Variants in EHBP1 observed in about 807,000 individuals in gnomAD.
EHBP1 encodes the protein EH domain-binding protein 1.
A neutral mutation model predicts 144.0 loss-of-function variants in EHBP1; 55 were observed. That is an observed-to-expected ratio of 0.38 (90% CI 0.31 to 0.48). The LOEUF (loss-of-function observed/expected upper bound fraction) is 0.48. EHBP1 is among the 20% of genes least tolerant of loss of function. EHBP1 has a pLI of 0.98. For missense variants in EHBP1, 1,200 were observed against 1,364.2 expected, an observed-to-expected ratio of 0.88 and a Z score of 1.90; for synonymous variants, 469 against 472.7, an observed-to-expected ratio of 0.99 and a Z score of 0.10.
intron 5 of EHBP1, among the ~76,000 whole-genome samples, chr2:62,814,450 C>T (rs1197678466): frequency 2.0e-5 from 3 of 152,236 alleles, no homozygotes; most frequent in East Asian, 3.8e-4. Flanking sequence ...TATAGTAGCA[C>T]AAAATAGATT....
chr2:62,880,980 TC>T (rs1391581310), intron 10 of EHBP1, among the ~76,000 whole-genome samples: 1 of 152,034 alleles, frequency 6.6e-6, no homozygotes, highest in African/African-American at 2.4e-5. Flanking sequence ...ACACACTTGA[TC>T]AACCTACATT....
chr2:62,886,233 A>G (rs1213128240), intron 10 of EHBP1, among the ~76,000 whole-genome samples: 1 of 152,210 alleles, frequency 6.6e-6, no homozygotes, highest in Non-Finnish European at 1.5e-5. Flanking sequence ...AACAGTAAAC[A>G]CACAATCAAT....
intron 1 of EHBP1, among the ~76,000 whole-genome samples, chr2:62,697,938 A>T (rs183517594): frequency 6.6e-6 from 1 of 152,244 alleles, no homozygotes; most frequent in Non-Finnish European, 1.5e-5. Context: ...AGGTCCCATT[A>T]TACACGCTGT....
upstream of EHBP1, among the ~76,000 whole-genome samples, chr2:62,703,068 C>G (rs115109216): frequency 0.041 from 6,314 of 152,230 alleles, 180 homozygotes; most frequent in Middle Eastern, 0.095. Context: ...GTGGCTCATG[C>G]CTGCAATCCC....
intron 10 of EHBP1, among the ~76,000 whole-genome samples, chr2:62,918,987 G>T (rs1479222025): frequency 6.6e-6 from 1 of 152,138 alleles, no homozygotes; most frequent in Non-Finnish European, 1.5e-5. Context: ...AGTCAATTTT[G>T]GTCGGTTTCA....
intron 1 of EHBP1, among the ~76,000 whole-genome samples, chr2:62,674,954 C>T (rs2033232092): frequency 6.6e-6 from 1 of 152,108 alleles, no homozygotes; most frequent in Non-Finnish European, 1.5e-5. Context: ...CTTCTGCTGA[C>T]CTAGGTTAAC....
intron 2 of EHBP1, among the ~76,000 whole-genome samples, chr2:62,728,865 A>G (rs2037107105): frequency 6.6e-6 from 1 of 151,964 alleles, no homozygotes; most frequent in Non-Finnish European, 1.5e-5. Flanking sequence ...TCTATTTTTT[A>G]TAAGAGTTTT....
intron 3 of EHBP1, among the ~76,000 whole-genome samples, chr2:62,749,668 T>A (rs553853228): frequency 6.6e-6 from 1 of 152,154 alleles, no homozygotes. Flanking sequence ...TTTTAATGAT[T>A]GCCATTCTAA....
intron 10 of EHBP1, among the ~76,000 whole-genome samples, chr2:62,929,831 A>C (rs1023711074): frequency 1.4e-4 from 21 of 150,566 alleles, no homozygotes; most frequent in African/African-American, 5.1e-4. Flanking sequence ...AGATTCTACA[A>C]AAAAAAAAAC....
chr2:62,843,047 C>A (rs762765436), intron 7 of EHBP1, among the ~76,000 whole-genome samples: 10 of 152,144 alleles, frequency 6.6e-5, no homozygotes, highest in East Asian at 1.9e-4. Context: ...CAGTAATTTT[C>A]TTTTAGACAG....
At chr2:62,704,874 GCC>G (rs2034405444), upstream of EHBP1, among the ~76,000 whole-genome samples, 1 of 152,146 alleles carries the variant, frequency 6.6e-6, no homozygotes, top group South Asian at 2.1e-4. Flanking sequence ...CCCTCACTCT[GCC>G]TCCTCCTTTT....
intron 19 of EHBP1, among the ~76,000 whole-genome samples, chr2:63,019,323 G>A (rs2060604628): frequency 6.6e-6 from 1 of 152,170 alleles, no homozygotes; most frequent in Non-Finnish European, 1.5e-5. Flanking sequence ...AGAGATTTAA[G>A]AGTATAGACT....
chr2:63,006,568 T>C (rs926730937), intron 19 of EHBP1, among the ~76,000 whole-genome samples: 9 of 151,980 alleles, frequency 5.9e-5, no homozygotes, highest in Non-Finnish European at 1.0e-4. Flanking sequence ...TTAAACGTGA[T>C]ATATTTTTTA....
At chr2:63,004,774 A>C (rs1203572483) in intron 19 of EHBP1, among the ~76,000 whole-genome samples, 2 of 152,002 alleles carry the variant, frequency 1.3e-5, no homozygotes, top group African/African-American at 4.8e-5. Context: ...TTAGTAATGG[A>C]TCCCCTTAAT....
At chr2:62,923,739 C>T (rs1456502730) in intron 10 of EHBP1, among the ~76,000 whole-genome samples, 1 of 152,188 alleles carries the variant, frequency 6.6e-6, no homozygotes, top group South Asian at 2.1e-4. Flanking sequence ...AAGAAACACT[C>T]CGAGGCCTAA....
At chr2:62,881,457 AAGGAAG>A (rs1487347385) in intron 10 of EHBP1, among the ~76,000 whole-genome samples, 1 of 151,454 alleles carries the variant, frequency 6.6e-6, no homozygotes, top group African/African-American at 2.4e-5. Flanking sequence ...AGGAAAGGGA[AAGGAAG>A]GGGAAGGAGA....
At chr2:62,912,294 G>A (rs1295541274) in intron 10 of EHBP1, among the ~76,000 whole-genome samples, 1 of 152,142 alleles carries the variant, frequency 6.6e-6, no homozygotes, top group Non-Finnish European at 1.5e-5. Flanking sequence ...GCTCACACCT[G>A]TAATCCCAGC....
intron 1 of EHBP1, among the ~76,000 whole-genome samples, chr2:62,693,486 A>G (rs893865938): frequency 6.6e-6 from 1 of 152,088 alleles, no homozygotes; most frequent in East Asian, 1.9e-4. Flanking sequence ...TTATTTTTTC[A>G]CTTAAAATGG....
intron 7 of EHBP1, among the ~76,000 whole-genome samples, chr2:62,857,930 T>C (rs1208949016): frequency 6.6e-6 from 1 of 152,096 alleles, no homozygotes; most frequent in African/African-American, 2.4e-5. Flanking sequence ...ATTTTTAAAA[T>C]GCAACATGAA....
Sources: gnomAD v4.1 joint callset for allele counts (sites outside exome capture counted in the v4.1 genomes callset) on GRCh38, gnomAD v4.1.1 for gene constraint, MANE v1.5 for transcripts, NCBI Gene and HGNC (gene_info 2026-07-23, HGNC 2026-07-21) for gene names.